Variants in PAN3 observed in about 807,000 individuals in gnomAD.
The protein encoded by PAN3 is PAN2-PAN3 deadenylation complex subunit PAN3.
A neutral mutation model predicts 96.2 loss-of-function variants in PAN3; 19 were observed. That is an observed-to-expected ratio of 0.20 (90% CI 0.14 to 0.29). PAN3 has a LOEUF of 0.29. PAN3 is among the 10% of genes least tolerant of loss of function. The probability of loss-of-function intolerance (pLI) is 1.00; values close to 1 mark genes in which losing one functional copy is unlikely to be tolerated. For synonymous variants in PAN3, 433 were observed against 406.6 expected (o/e 1.06, Z -0.78); for missense variants, 882 against 1,108.1 (o/e 0.80, Z 2.90).
chr13:28,240,926 T>A (rs566077041), intron 6 of PAN3, among the ~76,000 whole-genome samples: 2 of 152,344 alleles, frequency 1.3e-5, no homozygotes, highest in South Asian at 4.1e-4. Flanking sequence ...GCCTATGTCT[T>A]GTTTGTCCCA....
chr13:28,151,716 T>G (rs1383770394), intron 1 of PAN3, among the ~76,000 whole-genome samples: 1 of 151,894 alleles, frequency 6.6e-6, no homozygotes, highest in Non-Finnish European at 1.5e-5. Context: ...GAGAGAGGAG[T>G]CAAGGGTTTG....
rs1869904769 is a variant in PAN3, at chr13:28,292,708, TGGCTGCCATTGGA to T, written c.*192_*204del. On this transcript the variant is annotated 3_prime_UTR_variant, in exon 19 of 19. Coordinates refer to ENST00000380958, the MANE Select transcript of PAN3 (RefSeq NM_175854.8). ...GAATGTTTCACTTACCCAAGAGCTA[TGGCTGCCATTGGA>T]GGCTGTTATCTGTGAAGAATTTATT... 2.3e-6 allele frequency: 1 copy of T among 435,854 alleles called. No homozygotes were observed. Among genetic ancestry groups the T allele is most frequent in the African/African-American group, 2.0e-5 (1 of 49,200 alleles). The allele number at this position is 435,854 out of a possible 1,614,324, so 27.0% of individuals were successfully genotyped here.
chr13:28,140,321 G>A (rs1017405713), intron 1 of PAN3, among the ~76,000 whole-genome samples: 1 of 152,196 alleles, frequency 6.6e-6, no homozygotes, highest in African/African-American at 2.4e-5. Flanking sequence ...GCCGGTGCCA[G>A]ATGTCCCTGT....
intron 5 of PAN3, among the ~76,000 whole-genome samples, chr13:28,216,322 CAG>C (rs1384559151): frequency 6.6e-6 from 1 of 151,584 alleles, no homozygotes; most frequent in Non-Finnish European, 1.5e-5. Context: ...GACTTGGGGG[CAG>C]AGAGCAGAGA....
In PAN3 at chr13:28,138,880, G is replaced by A; in HGVS notation, c.223G>A (p.Ala75Thr). 16 of 1,415,236 alleles carry A rather than the reference G, an allele frequency of 1.1e-5. No individual in the cohort carries two copies. The highest frequency in any genetic ancestry group is 1.5e-5 in the Non-Finnish European group (16 of 1,088,622). The allele number at this position is 1,415,236 out of a possible 1,614,324, so 87.7% of individuals were successfully genotyped here. A position where few individuals can be genotyped will look rare whatever the true frequency, so the allele number is the denominator to read the frequency against. Reference protein sequence around the residue: ...QFLHEDPAAGAAPGLGLHSNS... With the variant: ...QFLHEDPAAGTAPGLGLHSNS... ...CCTGCATGAGGACCCTGCCGCCGGG[G>A]CTGCCCCGGGCCTCGGCCTCCATAG... The change falls in exon 1 of 19, where the codon GCT becomes ACT. Residue 75 changes from alanine (A) to threonine (T), a missense_variant. Ala to Thr is a moderately conservative substitution (Grantham distance 58). This residue lies in a region of PAN3 where 442 missense variants were observed against 422.8 expected (regional missense o/e 1.05). Transcript: ENST00000380958.
intron 6 of PAN3, among the ~76,000 whole-genome samples, chr13:28,246,864 A>T (rs1416018851): frequency 6.6e-6 from 1 of 152,118 alleles, no homozygotes; most frequent in African/African-American, 2.4e-5. Flanking sequence ...GGCTATTGTG[A>T]ATAGTCCTGC....
chr13:28,220,832 T>C (rs145853082), intron 6 of PAN3, among the ~76,000 whole-genome samples: 120 of 152,300 alleles, frequency 7.9e-4, no homozygotes, highest in African/African-American at 2.6e-3. Context: ...TATTTGATTA[T>C]AAATGCTATA....
Position 28,157,648 on chromosome 13 carries a change from C to G in PAN3, c.431-16624C>G, listed in dbSNP as rs535541618. Reference sequence around the variant, plus strand: ...TAAAATACCTAGGAATACAGCTAACCAGGGAGGTGAAAGAGCTCTACAATG... The same window carrying G: ...TAAAATACCTAGGAATACAGCTAACGAGGGAGGTGAAAGAGCTCTACAATG... On this transcript the variant is annotated intron_variant, in intron 1 of 18. Coordinates refer to ENST00000380958, the MANE Select transcript of PAN3 (RefSeq NM_175854.8). 2.6e-5 allele frequency among the ~76,000 whole-genome samples: 4 copies of G among 152,198 alleles called. No homozygotes were observed. In the East Asian group the frequency reaches 7.7e-4, roughly 29 times the overall value.
chr13:28,142,510 A>ATTTTTTTTTTTTT (rs1869990002), intron 1 of PAN3, among the ~76,000 whole-genome samples: 1 of 114,178 alleles, frequency 8.8e-6, no homozygotes, highest in African/African-American at 5.0e-5. Context: ...AATAGATGGC[A>ATTTTTTTTTTTTT]ATTTTTTTTT....
At chr13:28,233,428 G>A (rs1160485144) in intron 6 of PAN3, among the ~76,000 whole-genome samples, 5 of 151,776 alleles carry the variant, frequency 3.3e-5, no homozygotes, top group Admixed American at 6.6e-5. Flanking sequence ...CACCACACCC[G>A]GCTAACTTTT....
intron 5 of PAN3, among the ~76,000 whole-genome samples, chr13:28,201,553 T>C (rs1001529229): frequency 1.3e-5 from 2 of 151,604 alleles, no homozygotes; most frequent in Non-Finnish European, 2.9e-5. Flanking sequence ...CTCAAAATAG[T>C]AATAATAATT....
At chr13:28,230,852 C>T (rs1458025800) in intron 6 of PAN3, among the ~76,000 whole-genome samples, 1 of 151,594 alleles carries the variant, frequency 6.6e-6, no homozygotes, top group African/African-American at 2.4e-5. Flanking sequence ...ACCATTTACT[C>T]AAACAGTCAC....
intron 7 of PAN3, among the ~76,000 whole-genome samples, chr13:28,257,861 G>A (rs999907711): frequency 6.7e-6 from 1 of 149,212 alleles, no homozygotes; most frequent in African/African-American, 2.5e-5. Flanking sequence ...CACCCAGGCT[G>A]GAGGGCAGTG....
chr13:28,215,631 C>A, intron 5 of PAN3: 2 of 1,201,586 alleles, frequency 1.7e-6, no homozygotes, highest in Non-Finnish European at 1.2e-6. Context: ...GTTTGCTGAG[C>A]TGAAGGTAAA....
chr13:28,256,166 T>C, intron 6 of PAN3, 126 bp from the exon 7 acceptor site: 1 of 1,008,210 alleles, frequency 9.9e-7, no homozygotes, highest in South Asian at 1.6e-5. Flanking sequence ...ATTATTTCCT[T>C]CATCTTTGCA....
chr13:28,200,636 TG>T (rs575795067), intron 5 of PAN3, among the ~76,000 whole-genome samples: 121 of 152,370 alleles, frequency 7.9e-4, no homozygotes, highest in African/African-American at 2.7e-3. Context: ...CTGCCAAACA[TG>T]GCATTTATTA....
chr13:28,211,265 T>A (rs528806035), intron 5 of PAN3, among the ~76,000 whole-genome samples: 32 of 152,286 alleles, frequency 2.1e-4, no homozygotes, highest in African/African-American at 7.7e-4. Flanking sequence ...CTCCACCCTG[T>A]CTTTCTTTCT....
In PAN3 at chr13:28,158,206, G is replaced by T. The variant is rs533833007; in HGVS notation, c.431-16066G>T. Among the ~76,000 whole-genome samples, 5 of 152,288 alleles carry T rather than the reference G, an allele frequency of 3.3e-5. No individual in the cohort carries two copies. The East Asian group carries it at 9.6e-4, about 29-fold the overall frequency. ...ATATACAAAAAATTAACTCATGGTG[G>T]ATTAAAGACTTAAATGTAAAACCTA... On this transcript the variant is annotated intron_variant, in intron 1 of 18. Coordinates refer to ENST00000380958, the MANE Select transcript of PAN3 (RefSeq NM_175854.8).
chr13:28,140,008 C>T (rs1006046749), intron 1 of PAN3, among the ~76,000 whole-genome samples: 1 of 152,048 alleles, frequency 6.6e-6, no homozygotes, highest in Admixed American at 6.6e-5. Context: ...AGTGCAGTTG[C>T]GCGATCTCAG....
Sources: gnomAD v4.1 joint callset for allele counts (sites outside exome capture counted in the v4.1 genomes callset) on GRCh38, gnomAD v4.1.1 for gene constraint, gnomAD v4.1.1 regional missense constraint, MANE v1.5 for transcripts, NCBI Gene and HGNC (gene_info 2026-07-23, HGNC 2026-07-21) for gene names.